PKHD1: variants seen among roughly 807,000 people sequenced by gnomAD.
PKHD1 encodes PKHD1 ciliary IPT domain containing fibrocystin/polyductin, also known as fibrocystin.
PKHD1 carries 291 observed loss-of-function variants against 412.0 expected under a neutral mutation model. That is an observed-to-expected ratio of 0.71 (90% CI 0.64 to 0.78). PKHD1 has a LOEUF of 0.78. Ranked by LOEUF, PKHD1 falls within the 30% of genes least tolerant of loss-of-function variation. The probability of loss-of-function intolerance (pLI) is 0.00; values close to 1 mark genes in which losing one functional copy is unlikely to be tolerated. For missense variants in PKHD1, 4,825 were observed against 4,950.7 expected (o/e 0.97, Z 0.76); for synonymous variants, 1,777 against 1,821.5 (o/e 0.98, Z 0.62).
chr6:51,684,466 C>T (rs945274874), intron 60 of PKHD1, among the ~76,000 whole-genome samples: 11 of 151,878 alleles, frequency 7.2e-5, no homozygotes, highest in Non-Finnish European at 1.6e-4. Context: ...ATGCTGAGGT[C>T]CCAGTTAGTT....
chr6:51,631,801 A>C (rs1767947177), intron 65 of PKHD1, among the ~76,000 whole-genome samples: 2 of 152,082 alleles, frequency 1.3e-5, no homozygotes, highest in South Asian at 4.2e-4. Context: ...AAAAAATGGC[A>C]TCCACTTCTG....
chr6:52,065,485 C>A (rs1438254865), intron 12 of PKHD1, among the ~76,000 whole-genome samples: 4 of 152,102 alleles, frequency 2.6e-5, no homozygotes, highest in African/African-American at 9.7e-5. Context: ...GTGTCACCAA[C>A]TACAGAGGCA....
At chr6:51,931,401 A>G (rs1786564102) in intron 37 of PKHD1, among the ~76,000 whole-genome samples, 1 of 152,126 alleles carries the variant, frequency 6.6e-6, no homozygotes, top group Non-Finnish European at 1.5e-5. Context: ...TTTTTCCTAA[A>G]GCCCCAGTGT....
intron 35 of PKHD1, among the ~76,000 whole-genome samples, chr6:51,970,443 TTTTTAG>T (rs1286609064): frequency 6.6e-6 from 1 of 152,308 alleles, no homozygotes; most frequent in East Asian, 1.9e-4. Context: ...GTGCAGAAGG[TTTTTAG>T]TTTTACTAGG....
At chr6:52,024,192 A>G (rs1272149764) in intron 32 of PKHD1, among the ~76,000 whole-genome samples, 1 of 152,222 alleles carries the variant, frequency 6.6e-6, no homozygotes, top group Non-Finnish European at 1.5e-5. Context: ...ATTTAATCAT[A>G]CTTAATAAAT....
rs1252469829 is a variant in PKHD1 at position 52,028,146 on chromosome 6, G to T, written c.3560+10C>A. ...AACAAATCCAAAATTAATGCAAGTG[G>T]TCACCTCACCCTTGTGAGTGAATGC... On this transcript the variant is annotated intron_variant, in intron 30 of 66. Coordinates refer to ENST00000371117, the MANE Select transcript of PKHD1 (RefSeq NM_138694.4). The T allele has an allele frequency of 1.2e-6, 2 of 1,612,346 alleles. No individual in the cohort carries two copies. Among genetic ancestry groups the T allele is most frequent in the East Asian group, 2.2e-5 (1 of 44,888 alleles).
intron 52 of PKHD1, among the ~76,000 whole-genome samples, chr6:51,796,264 T>C (rs1456484545): frequency 2.0e-5 from 3 of 152,092 alleles, no homozygotes; most frequent in Non-Finnish European, 2.9e-5. Context: ...AATTTATCCA[T>C]TTCTCCCAAA....
At chr6:51,625,418 C>T (rs936843051) in intron 66 of PKHD1, among the ~76,000 whole-genome samples, 9 of 152,238 alleles carry the variant, frequency 5.9e-5, no homozygotes, top group Middle Eastern at 3.4e-3. Flanking sequence ...GTCTTCAAAA[C>T]GATACTCTTC....
intron 36 of PKHD1, among the ~76,000 whole-genome samples, chr6:51,953,709 T>C (rs1790716289): frequency 6.6e-6 from 1 of 152,040 alleles, no homozygotes. Context: ...CAGAAGAAGA[T>C]GCTTCATTTC....
chr6:51,697,717 T>G (rs969694983), intron 60 of PKHD1, among the ~76,000 whole-genome samples: 7 of 152,226 alleles, frequency 4.6e-5, no homozygotes, highest in Non-Finnish European at 1.0e-4. Flanking sequence ...TTCTTAGGTT[T>G]CTTACTGCTC....
chr6:51,939,646 C>A (rs181065422), intron 36 of PKHD1, among the ~76,000 whole-genome samples: 6 of 151,212 alleles, frequency 4.0e-5, no homozygotes, highest in Non-Finnish European at 5.9e-5. Flanking sequence ...AGATGCCTGA[C>A]GTCCAGACAT....
chr6:52,067,766 G>A (rs1364968308), intron 11 of PKHD1, among the ~76,000 whole-genome samples: 1 of 152,172 alleles, frequency 6.6e-6, no homozygotes, highest in Non-Finnish European at 1.5e-5. Context: ...TGGAGTATGA[G>A]AGACAGAGAT....
intron 40 of PKHD1, among the ~76,000 whole-genome samples, chr6:51,907,008 A>G (rs961996797): frequency 6.6e-6 from 1 of 152,170 alleles, no homozygotes; most frequent in Non-Finnish European, 1.5e-5. Context: ...CAATGAATAC[A>G]CAATTACTGA....
intron 60 of PKHD1, among the ~76,000 whole-genome samples, chr6:51,709,704 T>C (rs1780417797): frequency 6.6e-6 from 1 of 152,236 alleles, no homozygotes; most frequent in South Asian, 2.1e-4. Context: ...TCCTATGATT[T>C]TTAACATGGT....
chr6:51,863,780 C>T (rs1224767439), intron 48 of PKHD1, among the ~76,000 whole-genome samples: 2 of 152,232 alleles, frequency 1.3e-5, no homozygotes, highest in East Asian at 3.9e-4. Flanking sequence ...CTGTGGACTC[C>T]TCATGAACAT....
At chr6:52,045,119 T>C (rs762520688) in intron 24 of PKHD1, 31 bp from the exon 25 acceptor site, 1 of 1,610,768 alleles carries the variant, frequency 6.2e-7, no homozygotes, top group South Asian at 1.1e-5. Flanking sequence ...GTAAATTCTG[T>C]CATGGAACCG....
intron 52 of PKHD1, among the ~76,000 whole-genome samples, chr6:51,807,837 T>C (rs1041505003): frequency 2.0e-5 from 3 of 152,060 alleles, no homozygotes; most frequent in South Asian, 4.1e-4. Flanking sequence ...ACTGTATGAT[T>C]CCTTTTACAT....
chr6:52,027,981 G>T, intron 30 of PKHD1, 85 bp from the exon 31 acceptor site: 2 of 1,225,238 alleles, frequency 1.6e-6, no homozygotes, highest in Non-Finnish European at 2.4e-6. Context: ...TGTATTTTGA[G>T]GAGAAGAGCA....
rs375593915 is a variant in PKHD1 at position 51,648,509 on chromosome 6, A to G, written c.11311-391T>C. 3.9e-5 allele frequency among the ~76,000 whole-genome samples: 6 copies of G among 152,276 alleles called. No homozygotes were observed. The South Asian group carries it at 1.0e-3, about 26-fold the overall frequency. ...TCAAGTGTGGACCTCAGTGCCACAG[A>G]TTTCTCTCTGCAAACATGTCAGGGG... On this transcript the variant is annotated intron_variant, in intron 62 of 66. Coordinates refer to ENST00000371117, the MANE Select transcript of PKHD1 (RefSeq NM_138694.4).
Sources: allele counts gnomAD v4.1 joint callset (sites outside exome capture counted in the v4.1 genomes callset), GRCh38; gene constraint gnomAD v4.1.1; transcripts MANE v1.5; gene names NCBI Gene and HGNC (gene_info 2026-07-23, HGNC 2026-07-21).